The following KLF12 variants were observed in gnomAD, a reference collection of about 807,000 sequenced individuals.
The protein encoded by KLF12 is KLF transcription factor 12.
In KLF12, 9 loss-of-function variants were observed where a neutral mutation model predicts 37.8. The observed-to-expected ratio is 0.24, with a 90% CI of 0.14 to 0.42. KLF12 has a LOEUF of 0.42. KLF12 is among the 10% of genes least tolerant of loss of function. The pLI is 1.00. For synonymous variants in KLF12, 208 were observed against 202.1 expected, an observed-to-expected ratio of 1.03 and a Z score of -0.25; for missense variants, 411 against 516.0, an observed-to-expected ratio of 0.80 and a Z score of 1.97.
At chr13:73,797,940 T>C (rs901533104) in intron 5 of KLF12, among the ~76,000 whole-genome samples, 3 of 152,198 alleles carry the variant, frequency 2.0e-5, no homozygotes, top group Non-Finnish European at 2.9e-5. Context: ...TGATTGTTTT[T>C]TGGCGTTTAA....
intron 1 of KLF12, among the ~76,000 whole-genome samples, chr13:74,044,303 C>G (rs376498312): frequency 8.3e-6 from 1 of 120,528 alleles, no homozygotes; most frequent in Admixed American, 8.4e-5. Context: ...CCTTGCAACA[C>G]CCCAGTGGCA....
At chr13:73,722,111 TTAAAA>T (rs1310477229) in intron 6 of KLF12, among the ~76,000 whole-genome samples, 1 of 152,166 alleles carries the variant, frequency 6.6e-6, no homozygotes, top group Non-Finnish European at 1.5e-5. Flanking sequence ...TTCATATTAT[TTAAAA>T]TAAGACATTG....
intron 2 of KLF12, among the ~76,000 whole-genome samples, chr13:73,979,354 AACACACACACACAC>A (rs71115629): frequency 3.0e-3 from 421 of 139,704 alleles, no homozygotes; most frequent in African/African-American, 0.01. Context: ...TCTGCTTTTA[AACACACACACACAC>A]ACACACACAC....
intron 1 of KLF12, among the ~76,000 whole-genome samples, chr13:74,114,565 G>C (rs1027499407): frequency 6.6e-6 from 1 of 152,146 alleles, no homozygotes; most frequent in Non-Finnish European, 1.5e-5. Flanking sequence ...CTGCCAAAGA[G>C]ATTGAGTCAG....
chr13:74,153,284 T>C, the KLF12 span, among the ~76,000 whole-genome samples: 1 of 152,304 alleles, frequency 6.6e-6, no homozygotes, highest in African/African-American at 2.4e-5. Flanking sequence ...CAGCTCATGA[T>C]TCTTTCTCAA....
chr13:73,926,976 T>C (rs540974313), intron 3 of KLF12, among the ~76,000 whole-genome samples: 31 of 151,330 alleles, frequency 2.0e-4, no homozygotes, highest in African/African-American at 5.8e-4. Context: ...CATGAATTCT[T>C]CCCAAAGTGT....
the KLF12 span, among the ~76,000 whole-genome samples, chr13:74,158,805 C>T: frequency 6.6e-6 from 1 of 152,232 alleles, no homozygotes; most frequent in Non-Finnish European, 1.5e-5. Context: ...TTGCCTGACA[C>T]ATAGGTCGTT....
chr13:73,814,580 G>A (rs1476784309), intron 4 of KLF12, among the ~76,000 whole-genome samples: 1 of 152,144 alleles, frequency 6.6e-6, no homozygotes, highest in Non-Finnish European at 1.5e-5. Flanking sequence ...TACACATCCT[G>A]ACTTTAAATA....
At chr13:73,982,957 A>C (rs76878790) in intron 2 of KLF12, among the ~76,000 whole-genome samples, 1 of 138,792 alleles carries the variant, frequency 7.2e-6, no homozygotes, top group African/African-American at 2.8e-5. Flanking sequence ...CTTTTTTTCC[A>C]AAAAAAAAAG....
At chr13:74,213,191 C>G in the KLF12 span, among the ~76,000 whole-genome samples, 3 of 152,052 alleles carry the variant, frequency 2.0e-5, no homozygotes, top group Non-Finnish European at 2.9e-5. Context: ...TGGGAACGTA[C>G]TAAAACATCT....
At chr13:74,173,998 T>C in the KLF12 span, among the ~76,000 whole-genome samples, 4 of 152,168 alleles carry the variant, frequency 2.6e-5, no homozygotes, top group Non-Finnish European at 5.9e-5. Flanking sequence ...CATGGGCTAA[T>C]AACACAGCCA....
At chr13:73,937,126 C>T (rs1357219452) in intron 3 of KLF12, among the ~76,000 whole-genome samples, 2 of 151,712 alleles carry the variant, frequency 1.3e-5, no homozygotes, top group East Asian at 1.9e-4. Context: ...GGAGGTGGAG[C>T]TTGCAGTGAG....
the KLF12 span, among the ~76,000 whole-genome samples, chr13:74,277,628 A>G: frequency 2.0e-5 from 3 of 152,186 alleles, no homozygotes; most frequent in Admixed American, 6.5e-5. Context: ...AAGCAATTAT[A>G]GATTATTTCC....
chr13:74,187,076 T>A, the KLF12 span, among the ~76,000 whole-genome samples: 29 of 152,214 alleles, frequency 1.9e-4, no homozygotes, highest in African/African-American at 7.0e-4. Context: ...ATTCATACGC[T>A]TCCTTCTAGG....
At chr13:74,165,305 T>C in the KLF12 span, among the ~76,000 whole-genome samples, 10 of 145,604 alleles carry the variant, frequency 6.9e-5, no homozygotes, top group South Asian at 2.2e-4. Context: ...TTTTCTTTTT[T>C]TTTTTTTTTT....
chr13:74,095,338 GAGACAGT>G (rs1875913053), intron 1 of KLF12, among the ~76,000 whole-genome samples: 1 of 152,072 alleles, frequency 6.6e-6, no homozygotes, highest in African/African-American at 2.4e-5. Flanking sequence ...TAAAACCTCT[GAGACAGT>G]ACAGTTTTTG....
chr13:74,232,816 C>G, the KLF12 span, among the ~76,000 whole-genome samples: 1 of 152,056 alleles, frequency 6.6e-6, no homozygotes, highest in Non-Finnish European at 1.5e-5. Context: ...TGTAGGTTGA[C>G]AACAACAAAA....
At chr13:74,124,929 T>A (rs542713780) in intron 1 of KLF12, among the ~76,000 whole-genome samples, 1 of 152,230 alleles carries the variant, frequency 6.6e-6, no homozygotes, top group South Asian at 2.1e-4. Flanking sequence ...GTGGATCACT[T>A]GAGGTCAGGA....
At chr13:73,810,926 A>T (rs1480309564) in intron 5 of KLF12, among the ~76,000 whole-genome samples, 1 of 150,432 alleles carries the variant, frequency 6.6e-6, no homozygotes, top group Non-Finnish European at 1.5e-5. Context: ...TGGAGAAACT[A>T]AGTTAGAGAT....
Sources: gnomAD v4.1 joint callset for allele counts (sites outside exome capture counted in the v4.1 genomes callset) on GRCh38, gnomAD v4.1.1 for gene constraint, MANE v1.5 for transcripts, NCBI Gene and HGNC (gene_info 2026-07-23, HGNC 2026-07-21) for gene names.